Variants in TAFA4 observed in about 807,000 individuals in gnomAD.
TAFA4 encodes the protein TAFA chemokine like family member 4, also known as chemokine-like protein TAFA-4.
In TAFA4, 20 loss-of-function variants were observed where a neutral mutation model predicts 21.1. The ratio of observed to expected loss-of-function variants is 0.95; its 90% CI spans 0.67 to 1.38. TAFA4 has a LOEUF of 1.38. Ranked by LOEUF, TAFA4 falls within the 40% of genes most tolerant of loss-of-function variation. The pLI, the probability that TAFA4 is intolerant of heterozygous loss-of-function variation, is 0.00. For missense variants in TAFA4, 211 were observed against 180.9 expected (o/e 1.17, Z -0.95); for synonymous variants, 71 against 67.4 (o/e 1.05, Z -0.26).
chr3:68,880,987 T>G (rs1213727305), intron 2 of TAFA4, 142 bp from the exon 3 acceptor site: 1 of 634,866 alleles, frequency 1.6e-6, no homozygotes, highest in Non-Finnish European at 2.8e-6. Context: ...AGAAGACCAA[T>G]CAAACCTTAT....
At chr3:68,765,675 C>T (rs535073252) in intron 3 of TAFA4, among the ~76,000 whole-genome samples, 1 of 152,202 alleles carries the variant, frequency 6.6e-6, no homozygotes, top group South Asian at 2.1e-4. Flanking sequence ...TCCTAAGACC[C>T]CACTAAAACC....
chr3:68,849,163 A>G (rs1185862431), intron 3 of TAFA4, among the ~76,000 whole-genome samples: 2 of 152,132 alleles, frequency 1.3e-5, no homozygotes, highest in Non-Finnish European at 2.9e-5. Context: ...CCTTCTTCTC[A>G]GATCTCTTAA....
intron 3 of TAFA4, among the ~76,000 whole-genome samples, chr3:68,873,386 A>G (rs899486465): frequency 2.2e-4 from 30 of 138,694 alleles, no homozygotes; most frequent in Admixed American, 2.0e-3. Context: ...ACCCTGGGCC[A>G]GAAAAATGCT....
chr3:68,871,656 A>G (rs1248960652), intron 3 of TAFA4, among the ~76,000 whole-genome samples: 3 of 152,162 alleles, frequency 2.0e-5, no homozygotes, highest in Non-Finnish European at 4.4e-5. Flanking sequence ...TCCATCCAAC[A>G]ATCAATTAAT....
intron 1 of TAFA4, among the ~76,000 whole-genome samples, chr3:68,921,202 T>C (rs1248160523): frequency 6.6e-6 from 1 of 152,114 alleles, no homozygotes; most frequent in Non-Finnish European, 1.5e-5. Context: ...ACCAGCTATG[T>C]AATTAAAACA....
chr3:68,794,645 C>G (rs1487550946), intron 3 of TAFA4, among the ~76,000 whole-genome samples: 1 of 152,130 alleles, frequency 6.6e-6, no homozygotes, highest in African/African-American at 2.4e-5. Context: ...CTATGCCTAC[C>G]TGCAGATGTC....
intron 3 of TAFA4, among the ~76,000 whole-genome samples, chr3:68,823,987 A>C (rs1448596781): frequency 2.0e-5 from 3 of 152,144 alleles, no homozygotes; most frequent in Non-Finnish European, 2.9e-5. Flanking sequence ...CATAATTATG[A>C]GAAGGGTCCA....
Position 68,732,416 on chromosome 3 carries a change from C to A in TAFA4, c.*726G>T, listed in dbSNP as rs7433901. On this transcript the variant is annotated 3_prime_UTR_variant, in exon 6 of 6. Transcript: ENST00000295569. ...TTCCAACAAGTTTTATAAATATGTT[C>A]TGATAGAGCTTTGGTTATAAAATAT... 6.6e-6 allele frequency: 1 copy of A among 152,488 alleles called. No individual in the cohort carries two copies. The highest frequency in any genetic ancestry group is 1.5e-5 in the Non-Finnish European group (1 of 67,990). The allele number at this position is 152,488 out of a possible 1,614,324, so 9.4% of individuals were successfully genotyped here.
At chr3:68,777,357 T>A (rs1458509962) in intron 3 of TAFA4, among the ~76,000 whole-genome samples, 1 of 152,066 alleles carries the variant, frequency 6.6e-6, no homozygotes, top group Non-Finnish European at 1.5e-5. Context: ...GAAAACATTC[T>A]GTGTAGATAA....
chr3:68,820,801 T>A (rs1177896186), intron 3 of TAFA4, among the ~76,000 whole-genome samples: 3 of 152,232 alleles, frequency 2.0e-5, no homozygotes, highest in Admixed American at 6.5e-5. Flanking sequence ...TATCAAAACA[T>A]CATTTGTACA....
At chr3:68,738,436 C>A (rs138318644) in intron 5 of TAFA4, among the ~76,000 whole-genome samples, 190 of 152,126 alleles carry the variant, frequency 1.2e-3, no homozygotes, top group African/African-American at 4.4e-3. Context: ...TGGAAGGCAG[C>A]AGTCTAGCAG....
chr3:68,835,021 T>C (rs1704489953), intron 3 of TAFA4, among the ~76,000 whole-genome samples: 1 of 152,152 alleles, frequency 6.6e-6, no homozygotes, highest in Non-Finnish European at 1.5e-5. Flanking sequence ...GGCCTACACA[T>C]GCAGGGGTGG....
intron 3 of TAFA4, among the ~76,000 whole-genome samples, chr3:68,861,030 A>ACCCCCCCCCC (rs113804738): frequency 8.9e-4 from 99 of 110,970 alleles, no homozygotes; most frequent in Non-Finnish European, 1.2e-3. Context: ...TTAAATATGC[A>ACCCCCCCCCC]CCCCCCCCCC....
At chr3:68,754,465 G>C (rs1296840094) in intron 3 of TAFA4, among the ~76,000 whole-genome samples, 1 of 152,094 alleles carries the variant, frequency 6.6e-6, no homozygotes, top group Non-Finnish European at 1.5e-5. Flanking sequence ...GCTTCCTCTT[G>C]ATTAGATTCA....
At position 68,842,560 on chromosome 3, in the gene TAFA4, T is replaced by C. The variant is rs144133768; in HGVS notation, c.130+38170A>G. Among the ~76,000 whole-genome samples the C allele has an allele frequency of 5.9e-5, 9 of 152,360 alleles. No individual in the cohort carries two copies. In the East Asian group the frequency reaches 1.7e-3, roughly 29 times the overall value. ...CTTTTTAGTTTATTTAGATCCGATT[T>C]GTCAATTTTGGCTTTTGTTGCCATT... On this transcript the variant is annotated intron_variant, in intron 3 of 5. Coordinates refer to ENST00000295569, the MANE Select transcript of TAFA4 (RefSeq NM_182522.5).
intron 3 of TAFA4, among the ~76,000 whole-genome samples, chr3:68,854,634 C>G (rs1033969442): frequency 6.6e-6 from 1 of 151,668 alleles, no homozygotes. Flanking sequence ...TGGCCTTAGC[C>G]TCTCATTTGA....
At chr3:68,818,275 A>G (rs911095623) in intron 3 of TAFA4, among the ~76,000 whole-genome samples, 11 of 152,164 alleles carry the variant, frequency 7.2e-5, no homozygotes, top group Admixed American at 3.3e-4. Flanking sequence ...AAAGAACTTA[A>G]GAGAGTTAGG....
intron 4 of TAFA4, among the ~76,000 whole-genome samples, chr3:68,741,471 C>T (rs903464111): frequency 1.3e-5 from 2 of 152,100 alleles, no homozygotes; most frequent in African/African-American, 2.4e-5. Flanking sequence ...TATTCTGCAG[C>T]TTTACTGAAT....
intron 3 of TAFA4, among the ~76,000 whole-genome samples, chr3:68,777,405 C>T (rs1448974748): frequency 6.6e-6 from 1 of 152,074 alleles, no homozygotes; most frequent in Non-Finnish European, 1.5e-5. Context: ...ATGGTAGCCA[C>T]TAGCCAAATG....
Sources: allele counts gnomAD v4.1 joint callset (sites outside exome capture counted in the v4.1 genomes callset), GRCh38; gene constraint gnomAD v4.1.1; transcripts MANE v1.5; gene names NCBI Gene and HGNC (gene_info 2026-07-23, HGNC 2026-07-21).